GOLPH3L: variants seen among roughly 807,000 people sequenced by gnomAD.
GOLPH3L encodes golgi phosphoprotein 3 like.
GOLPH3L carries 22 observed loss-of-function variants against 30.3 expected under a neutral mutation model. The observed-to-expected ratio is 0.73, with a 90% CI of 0.52 to 1.04. The LOEUF is 1.04. Among genes scored for constraint, GOLPH3L ranks in the 50% least tolerant of loss-of-function variants. The pLI, the probability that GOLPH3L is intolerant of heterozygous loss-of-function variation, is 0.00. For synonymous variants in GOLPH3L, 120 were observed against 128.2 expected (o/e 0.94, Z 0.43); for missense variants, 303 against 345.8 (o/e 0.88, Z 0.98).
intron 2 of GOLPH3L, among the ~76,000 whole-genome samples, chr1:150,666,492 AC>A (rs1159514948): frequency 2.0e-5 from 3 of 151,724 alleles, no homozygotes; most frequent in African/African-American, 7.3e-5. Context: ...TTACAGGTGC[AC>A]CTCACCACGC....
In GOLPH3L at chr1:150,692,164, A is replaced by C. The variant is rs144578813; in HGVS notation, c.183+2492T>G. Among the ~76,000 whole-genome samples the C allele has an allele frequency of 1.0e-3, 158 of 152,298 alleles. 1 individual carries two copies. Among genetic ancestry groups the C allele is most frequent in the African/African-American group, 3.7e-3 (154 of 41,582 alleles). ...TGATAGTTTGAGAGATAAGAAAAAA[A>C]TAAGTACAGTTGGGAATCAATTTAA... On this transcript the variant is annotated intron_variant, in intron 2 of 4. Coordinates refer to ENST00000271732, the MANE Select transcript of GOLPH3L (RefSeq NM_018178.6).
Position 150,653,175 on chromosome 1 carries a change from CAAAAAAA to C in GOLPH3L, c.431-4434_431-4428del, listed in dbSNP as rs757485843. Among the ~76,000 whole-genome samples the C allele has an allele frequency of 9.8e-3, 744 of 76,284 alleles. 30 individuals carry two copies. Among genetic ancestry groups the C allele is most frequent in the Admixed American group, 0.094 (697 of 7,452 alleles). The allele number at this position is 76,284 out of a possible 152,430, so 50.0% of individuals were successfully genotyped here. On this transcript the variant is annotated intron_variant, in intron 4 of 4. Coordinates refer to ENST00000271732, the MANE Select transcript of GOLPH3L (RefSeq NM_018178.6). ...ACAAAAAACCCAAAAGCCAAAAAAA[CAAAAAAA>C]AAAAAAAAGAAAAGAAACATATAGC...
chr1:150,686,035 C>T (rs985876195), intron 2 of GOLPH3L, among the ~76,000 whole-genome samples: 9 of 151,830 alleles, frequency 5.9e-5, no homozygotes, highest in Admixed American at 3.3e-4. Context: ...CCACCACACC[C>T]GGCTAATTTT....
chr1:150,676,066 T>G (rs587689187), intron 2 of GOLPH3L, among the ~76,000 whole-genome samples: 1 of 147,616 alleles, frequency 6.8e-6, no homozygotes, highest in East Asian at 2.2e-4. Flanking sequence ...CCCAACCTCC[T>G]AGACTCAAAC....
chr1:150,657,557 C>G (rs758248280), intron 4 of GOLPH3L, among the ~76,000 whole-genome samples: 2 of 152,250 alleles, frequency 1.3e-5, no homozygotes, highest in African/African-American at 4.8e-5. Flanking sequence ...CCTTTTCTCA[C>G]TTTGTCTGGG....
chr1:150,673,250 T>C (rs1296388959), intron 2 of GOLPH3L, among the ~76,000 whole-genome samples: 5 of 152,116 alleles, frequency 3.3e-5, no homozygotes, highest in Non-Finnish European at 5.9e-5. Flanking sequence ...GAATTTTAAT[T>C]GCTACACATT....
rs1557778707 is a variant in GOLPH3L at position 150,649,794 on chromosome 1, A to ACCAGTT, written c.431-1047_431-1046insAACTGG. 2.0e-5 allele frequency among the ~76,000 whole-genome samples: 3 copies of ACCAGTT among 152,130 alleles called. No individual in the cohort carries two copies. In the South Asian group the frequency reaches 6.2e-4, roughly 32 times the overall value. On this transcript the variant is annotated intron_variant, in intron 4 of 4. Transcript: ENST00000271732. ...CTGAACCAACACTGGCTGAACAATA[A>ACCAGTT]GCTACCCTAACTCAGAGGCAACTCC...
chr1:150,678,953 A>G (rs1263753004), intron 2 of GOLPH3L, among the ~76,000 whole-genome samples: 1 of 152,222 alleles, frequency 6.6e-6, no homozygotes, highest in African/African-American at 2.4e-5. Context: ...AAAAAAACAA[A>G]AAGTTTAAGA....
intron 2 of GOLPH3L, among the ~76,000 whole-genome samples, chr1:150,692,200 GAT>G (rs1651229970): frequency 6.6e-6 from 1 of 152,114 alleles, no homozygotes; most frequent in Non-Finnish European, 1.5e-5. Context: ...TATTTTTAGA[GAT>G]AGTTATGTAA....
At chr1:150,677,782 T>C (rs961875914) in intron 2 of GOLPH3L, among the ~76,000 whole-genome samples, 13 of 151,788 alleles carry the variant, frequency 8.6e-5, no homozygotes, top group Admixed American at 7.2e-4. Flanking sequence ...CATGCCACCA[T>C]GCCCATTTAA....
intron 2 of GOLPH3L, among the ~76,000 whole-genome samples, chr1:150,687,086 G>A (rs1302516861): frequency 6.6e-6 from 1 of 152,086 alleles, no homozygotes; most frequent in Non-Finnish European, 1.5e-5. Flanking sequence ...AAACTAAAAG[G>A]AAAGACCAGG....
At chr1:150,688,706 A>G (rs1651146128) in intron 2 of GOLPH3L, among the ~76,000 whole-genome samples, 1 of 152,164 alleles carries the variant, frequency 6.6e-6, no homozygotes, top group Admixed American at 6.6e-5. Context: ...AGCCAAGATC[A>G]CGCCACTGCT....
chr1:150,685,968 T>C lies in GOLPH3L; in HGVS notation c.183+8688A>G, dbSNP rs150006408. Among the ~76,000 whole-genome samples the C allele has an allele frequency of 8.2e-3, 1,211 of 147,472 alleles. 9 individuals are homozygous for C. Among genetic ancestry groups the C allele is most frequent in the Admixed American group, 0.011 (159 of 14,394 alleles). ...TGGCTCACTGCAACTTCTGCCTCCC[T>C]GGTTCAAGCAATTCTCCTGCCTCAG... On this transcript the variant is annotated intron_variant, in intron 2 of 4. Coordinates refer to ENST00000271732, the MANE Select transcript of GOLPH3L (RefSeq NM_018178.6).
chr1:150,694,266 T>A, intron 2 of GOLPH3L: 1 of 313,826 alleles, frequency 3.2e-6, no homozygotes. Context: ...ATCACACATG[T>A]TCCTTGTCTT....
chr1:150,659,640 A>G (rs996597546), intron 4 of GOLPH3L, among the ~76,000 whole-genome samples: 7 of 151,904 alleles, frequency 4.6e-5, no homozygotes, highest in African/African-American at 1.7e-4. Context: ...ACTCCACACT[A>G]TATTTCTGTG....
intron 2 of GOLPH3L, among the ~76,000 whole-genome samples, chr1:150,676,840 C>T (rs1650791772): frequency 6.6e-6 from 1 of 151,944 alleles, no homozygotes; most frequent in Non-Finnish European, 1.5e-5. Context: ...GACTGGGTTT[C>T]ACCATGTTGG....
intron 4 of GOLPH3L, among the ~76,000 whole-genome samples, chr1:150,661,545 C>A (rs2101787622): frequency 6.6e-6 from 1 of 152,264 alleles, no homozygotes; most frequent in Non-Finnish European, 1.5e-5. Flanking sequence ...CCAATATTCT[C>A]ATTGTCCTCT....
At chr1:150,663,206 T>A (rs2101789483) in intron 3 of GOLPH3L, among the ~76,000 whole-genome samples, 1 of 152,184 alleles carries the variant, frequency 6.6e-6, no homozygotes, top group South Asian at 2.1e-4. Flanking sequence ...CGCTAATTTT[T>A]TTTTTAAATA....
chr1:150,652,098 C>A (rs1431127576), intron 4 of GOLPH3L, among the ~76,000 whole-genome samples: 1 of 152,038 alleles, frequency 6.6e-6, no homozygotes, highest in Non-Finnish European at 1.5e-5. Context: ...CACAGTGGAA[C>A]TTTGTAAGCT....
Sources: gnomAD v4.1 joint callset for allele counts (sites outside exome capture counted in the v4.1 genomes callset) on GRCh38, gnomAD v4.1.1 for gene constraint, MANE v1.5 for transcripts, NCBI Gene and HGNC (gene_info 2026-07-23, HGNC 2026-07-21) for gene names.